Variants in DBF4 observed in about 807,000 individuals in gnomAD.
The protein encoded by DBF4 is protein DBF4 homolog A.
DBF4 carries 25 observed loss-of-function variants against 76.6 expected under a neutral mutation model. That is an observed-to-expected ratio of 0.33 (90% CI 0.24 to 0.46). The LOEUF (loss-of-function observed/expected upper bound fraction) is 0.46, where lower values mean the gene tolerates loss of function less well. Among genes scored for constraint, DBF4 ranks in the 20% least tolerant of loss-of-function variants. DBF4 has a pLI of 1.00. For synonymous variants in DBF4, 213 were observed against 258.0 expected (o/e 0.83, Z 1.67); for missense variants, 638 against 760.8 (o/e 0.84, Z 1.90).
intron 5 of DBF4, 119 bp from the exon 6 acceptor site, chr7:87,887,864 A>G (rs1238593251): frequency 2.0e-6 from 2 of 994,500 alleles, no homozygotes; most frequent in Non-Finnish European, 1.4e-6. Flanking sequence ...CATTCAGACC[A>G]TAGCATAAGA....
chr7:87,876,588 C>G lies in DBF4; in HGVS notation c.-145C>G. The G allele has an allele frequency of 1.1e-6, 1 of 870,886 alleles. No individual in the cohort carries two copies. The highest frequency in any genetic ancestry group is 1.8e-6 in the Non-Finnish European group (1 of 555,030). The allele number at this position is 870,886 out of a possible 1,614,324, so 53.9% of individuals were successfully genotyped here. A position where few individuals can be genotyped will look rare whatever the true frequency, so the allele number is the denominator to read the frequency against. ...CGGCCCCGGAAACCCGACCTGCAGA[C>G]GCGGTACCTCTACTGCGTAGAGGCC... is the stretch of plus-strand genomic sequence containing the variant. On this transcript the variant is annotated 5_prime_UTR_variant, in exon 1 of 12. Coordinates refer to ENST00000265728, the MANE Select transcript of DBF4 (RefSeq NM_006716.4).
chr7:87,907,917 T>C lies in DBF4; in HGVS notation c.1779T>C (p.Asn593=). 6.2e-7 allele frequency: 1 copy of C among 1,612,490 alleles called. No homozygotes were observed. The change falls in exon 12 of 12, where the codon AAT becomes AAC. Residue 593 remains asparagine, a synonymous_variant. Transcript: ENST00000265728. ...ATAGAAAAGAAAATCTGGAACCAAA[T>C]GCTGAATTTGATAAAAGAACTGAAT... The part of the protein sequence containing the change: ...GRNRKENLEP[N]AEFDKRTEFI...
intron 6 of DBF4, among the ~76,000 whole-genome samples, chr7:87,890,147 T>C (rs1839449101): frequency 2.0e-5 from 3 of 152,228 alleles, no homozygotes; most frequent in Admixed American, 2.0e-4. Context: ...ATGTGGTGGA[T>C]ATTAATATTT....
chr7:87,898,298 T>C (rs1839689587), intron 8 of DBF4, among the ~76,000 whole-genome samples: 1 of 152,182 alleles, frequency 6.6e-6, no homozygotes, highest in East Asian at 1.9e-4. Context: ...GAAAAGACAC[T>C]AGTATACGAA....
intron 11 of DBF4, among the ~76,000 whole-genome samples, chr7:87,905,471 T>C (rs1362444815): frequency 6.6e-6 from 1 of 152,204 alleles, no homozygotes; most frequent in African/African-American, 2.4e-5. Flanking sequence ...ACTAAATATC[T>C]TTGCCTAAAC....
chr7:87,908,148 A>G lies in DBF4; in HGVS notation c.2010A>G (p.Thr670=), dbSNP rs1234111068. 2.5e-6 allele frequency: 4 copies of G among 1,576,882 alleles called. No homozygotes were observed. In the African/African-American group the frequency reaches 4.1e-5, roughly 16 times the overall value. ...TTTTCTCGTCCCCTTCAACTTCTAC[A>G]TTTACTGGCTTTTAGAATTTAAAAA... ...TAFFSSPSTS[T]FTGF is the part of the protein sequence containing the mutation. The change falls in exon 12 of 12, where the codon ACA becomes ACG. Residue 670 remains threonine, a synonymous_variant. Transcript: ENST00000265728.
intron 6 of DBF4, among the ~76,000 whole-genome samples, chr7:87,891,215 G>T (rs199728964): frequency 7.0e-6 from 1 of 141,952 alleles, no homozygotes. Context: ...TTATTTTGTC[G>T]AATTTTTTAC....
intron 2 of DBF4, 129 bp downstream of exon 2, chr7:87,878,354 G>T: frequency 2.8e-6 from 2 of 727,098 alleles, no homozygotes; most frequent in Non-Finnish European, 4.4e-6. Context: ...TTTATCAGCT[G>T]TTTATCGTTA....
intron 10 of DBF4, 56 bp from the exon 11 acceptor site, chr7:87,904,235 AG>A: frequency 1.2e-5 from 18 of 1,523,558 alleles, no homozygotes; most frequent in Non-Finnish European, 1.6e-5. Flanking sequence ...TTAATTAAAA[AG>A]GCATCTCTTG....
intron 5 of DBF4, 115 bp downstream of exon 5, chr7:87,887,513 C>A: frequency 8.4e-7 from 1 of 1,188,846 alleles, no homozygotes; most frequent in Non-Finnish European, 1.1e-6. Context: ...TAATCTGTTT[C>A]CTATTGCTTA....
At chr7:87,878,272 G>C (rs200747569) in intron 2 of DBF4, 47 bp downstream of exon 2, 211 of 1,443,418 alleles carry the variant, frequency 1.5e-4, no homozygotes, top group Non-Finnish European at 2.0e-4. Context: ...TTTGTAACTA[G>C]TACTTTCTAC....
chr7:87,876,652 A>G lies in DBF4; in HGVS notation c.-81A>G. 2 of 1,524,964 alleles carry G rather than the reference A, an allele frequency of 1.3e-6. No homozygotes were observed. The highest frequency in any genetic ancestry group is 1.8e-6 in the Non-Finnish European group (2 of 1,111,706). The allele number at this position is 1,524,964 out of a possible 1,614,324, so 94.5% of individuals were successfully genotyped here. ...GGAGAGAGGCGGCCGTCCTGTCAAC[A>G]GGCCGGGGGAAGCCGTGCTTTCGCG... is the stretch of plus-strand genomic sequence containing the variant. On this transcript the variant is annotated 5_prime_UTR_variant, in exon 1 of 12. Coordinates refer to ENST00000265728, the MANE Select transcript of DBF4 (RefSeq NM_006716.4).
Position 87,909,033 on chromosome 7 carries a change from G to C in DBF4, c.*870G>C, listed in dbSNP as rs184734091. 8 of 152,076 alleles carry C rather than the reference G, an allele frequency of 5.3e-5. No individual in the cohort carries two copies. In the East Asian group the frequency reaches 1.6e-3, roughly 30 times the overall value. The allele number at this position is 152,076 out of a possible 1,614,324, so 9.4% of individuals were successfully genotyped here. ...GCAGGTTGCAGTGAGCCAAGATTGT[G>C]CCACTGTATTCCAGACTGGGTGACA... is the stretch of plus-strand genomic sequence containing the variant. On this transcript the variant is annotated 3_prime_UTR_variant, in exon 12 of 12. Coordinates refer to ENST00000265728, the MANE Select transcript of DBF4 (RefSeq NM_006716.4).
chr7:87,891,958 G>T (rs552973602), intron 6 of DBF4, among the ~76,000 whole-genome samples: 11 of 152,106 alleles, frequency 7.2e-5, no homozygotes, highest in Non-Finnish European at 1.0e-4. Flanking sequence ...TTTATCAATA[G>T]ACTTTATTTT....
chr7:87,904,537 C>T lies in DBF4; in HGVS notation c.1049+121C>T, dbSNP rs537606175. ...GTTGGATCACTTGAGGTCAGGAGTT[C>T]GAGACCAGCCTAGCCAACATGGCAA... On this transcript the variant is annotated intron_variant, in intron 11 of 11. Coordinates refer to ENST00000265728, the MANE Select transcript of DBF4 (RefSeq NM_006716.4). 8.2e-5 allele frequency: 97 copies of T among 1,181,940 alleles called. No homozygotes were observed. In the East Asian group the frequency reaches 2.3e-3, roughly 28 times the overall value. 73.2% of individuals were successfully genotyped at this position (1,181,940 alleles called of 1,614,324 possible). A position where few individuals can be genotyped will look rare whatever the true frequency, so the allele number is the denominator to read the frequency against.
chr7:87,876,754 A>C lies in DBF4; in HGVS notation c.22A>C (p.Ile8Leu). 3 of 1,614,114 alleles carry C rather than the reference A, an allele frequency of 1.9e-6. No individual in the cohort carries two copies. The highest frequency in any genetic ancestry group is 2.5e-6 in the Non-Finnish European group (3 of 1,180,012). The part of the protein sequence containing the change: MNSGAMR[I>L]HSKGHFQGGI... ...TGCCATGAACTCCGGAGCCATGAGGATCCACAGTAAAGGACATTTCCAGGG... is the reference window on the plus strand; with the variant it reads ...TGCCATGAACTCCGGAGCCATGAGGCTCCACAGTAAAGGACATTTCCAGGG... Residue 8 changes from isoleucine (I) to leucine (L), a missense_variant, in exon 1 of 12, where the codon ATC becomes CTC. Physicochemically the swap from Ile to Leu is conservative, Grantham distance 5. Transcript: ENST00000265728.
chr7:87,907,887 A>G lies in DBF4; in HGVS notation c.1749A>G (p.Gly583=). 2 of 1,613,364 alleles carry G rather than the reference A, an allele frequency of 1.2e-6. No homozygotes were observed. Among genetic ancestry groups the G allele is most frequent in the Non-Finnish European group, 1.7e-6 (2 of 1,179,852 alleles). Residue 583 remains glycine, a synonymous_variant, in exon 12 of 12, where the codon GGA becomes GGG. Transcript: ENST00000265728. ...KIHRKVKIIL[G]RNRKENLEPN... ...ATCGAAAAGTGAAAATAATATTAGG[A>G]CGAAATAGAAAAGAAAATCTGGAAC...
At chr7:87,891,287 T>C (rs574932102) in intron 6 of DBF4, among the ~76,000 whole-genome samples, 6 of 152,066 alleles carry the variant, frequency 3.9e-5, no homozygotes, top group Non-Finnish European at 8.8e-5. Flanking sequence ...TTTAGTGGAA[T>C]GTTTAATCCT....
intron 6 of DBF4, among the ~76,000 whole-genome samples, chr7:87,889,299 G>A (rs1321344034): frequency 6.7e-6 from 1 of 148,686 alleles, no homozygotes; most frequent in Admixed American, 6.7e-5. Flanking sequence ...TTTTTTTGAG[G>A]CAGGCCCTCC....
Sources: gnomAD v4.1 joint callset for allele counts (sites outside exome capture counted in the v4.1 genomes callset) on GRCh38, gnomAD v4.1.1 for gene constraint, MANE v1.5 for transcripts, NCBI Gene and HGNC (gene_info 2026-07-23, HGNC 2026-07-21) for gene names.